EPB41L4A: variants seen among roughly 807,000 people sequenced by gnomAD.
The protein encoded by EPB41L4A is erythrocyte membrane protein band 4.1 like 4A, also known as band 4.1-like protein 4A.
EPB41L4A carries 100 observed loss-of-function variants against 108.6 expected under a neutral mutation model. The observed-to-expected ratio is 0.92, with a 90% CI of 0.78 to 1.09. EPB41L4A has a LOEUF of 1.09. EPB41L4A is among the 50% of genes least tolerant of loss of function. The probability of loss-of-function intolerance (pLI) is 0.00; values close to 1 mark genes in which losing one functional copy is unlikely to be tolerated. For missense variants in EPB41L4A, 1,030 were observed against 842.7 expected (o/e 1.22, Z -2.75); for synonymous variants, 319 against 289.0 (o/e 1.10, Z -1.05).
In EPB41L4A at chr5:112,307,472, C is replaced by T. The variant is rs765087368; in HGVS notation, c.118G>A (p.Val40Ile). The T allele has an allele frequency of 3.7e-5, 59 of 1,612,508 alleles. No individual in the cohort carries two copies. In the South Asian group the frequency reaches 5.6e-4, roughly 15 times the overall value. ...TGATGGAATACGTGGTCAAGGACAACGGAACCTTTCGTTGACTTCTGCAAA... is the reference window on the plus strand; with the variant it reads ...TGATGGAATACGTGGTCAAGGACAATGGAACCTTTCGTTGACTTCTGCAAA... ...QGIKKSTKGS[V>I]VLDHVFHHVN... Residue 40 changes from valine to isoleucine, a missense_variant, in exon 2 of 23, where the codon GTT becomes ATT. By Grantham distance (29) the Val-to-Ile change is conservative. Transcript: ENST00000261486.
intron 18 of EPB41L4A, among the ~76,000 whole-genome samples, chr5:112,179,478 A>G (rs1324900690): frequency 6.6e-6 from 1 of 152,154 alleles, no homozygotes; most frequent in Non-Finnish European, 1.5e-5. Context: ...AGGAAAATAC[A>G]TCATGACCAC....
At chr5:112,193,052 T>C (rs1032240970) in intron 17 of EPB41L4A, among the ~76,000 whole-genome samples, 1 of 152,208 alleles carries the variant, frequency 6.6e-6, no homozygotes, top group African/African-American at 2.4e-5. Context: ...AATCATTTCT[T>C]TGAGAAAGGT....
At chr5:112,341,159 G>C (rs768370113) in intron 1 of EPB41L4A, among the ~76,000 whole-genome samples, 29 of 152,278 alleles carry the variant, frequency 1.9e-4, no homozygotes, top group South Asian at 4.1e-4. Flanking sequence ...GAGAATGAAA[G>C]CTTCATGGGA....
At chr5:112,367,076 T>C (rs1032920867) in intron 1 of EPB41L4A, among the ~76,000 whole-genome samples, 1 of 152,166 alleles carries the variant, frequency 6.6e-6, no homozygotes, top group Non-Finnish European at 1.5e-5. Flanking sequence ...AACAGGCAGA[T>C]GAGGCTAGCC....
At chr5:112,300,653 G>A (rs563478584) in intron 2 of EPB41L4A, among the ~76,000 whole-genome samples, 22 of 152,174 alleles carry the variant, frequency 1.4e-4, no homozygotes, top group Non-Finnish European at 2.8e-4. Flanking sequence ...CAATTTGCCA[G>A]GTGTTCTTTG....
intron 10 of EPB41L4A, among the ~76,000 whole-genome samples, 194 bp from the exon 11 acceptor site, chr5:112,239,931 A>G (rs1373829743): frequency 2.0e-5 from 3 of 152,198 alleles, no homozygotes; most frequent in Admixed American, 2.0e-4. Flanking sequence ...AAAAAACAAA[A>G]CCAAAAAATA....
intron 18 of EPB41L4A, among the ~76,000 whole-genome samples, chr5:112,171,205 C>T (rs1219490206): frequency 6.6e-6 from 1 of 152,142 alleles, no homozygotes; most frequent in African/African-American, 2.4e-5. Context: ...TCATAAAACC[C>T]AGTCATAACC....
chr5:112,340,768 G>T (rs965619552), intron 1 of EPB41L4A, among the ~76,000 whole-genome samples: 1 of 152,126 alleles, frequency 6.6e-6, no homozygotes, highest in Non-Finnish European at 1.5e-5. Flanking sequence ...TAAAAAGGAC[G>T]TATATTGTTG....
intron 1 of EPB41L4A, among the ~76,000 whole-genome samples, chr5:112,352,260 G>A (rs1422716896): frequency 6.6e-6 from 1 of 152,106 alleles, no homozygotes; most frequent in Non-Finnish European, 1.5e-5. Flanking sequence ...GGTGTTTATT[G>A]CTATAAGCTT....
chr5:112,158,164 G>A (rs1259155733), downstream of EPB41L4A, among the ~76,000 whole-genome samples: 1 of 152,140 alleles, frequency 6.6e-6, no homozygotes, highest in East Asian at 1.9e-4. Context: ...AGAGAAAAGA[G>A]GAAAGTGGGA....
At chr5:112,266,370 A>G in intron 4 of EPB41L4A, 40 bp from the exon 5 acceptor site, 3 of 1,399,484 alleles carry the variant, frequency 2.1e-6, no homozygotes, top group Non-Finnish European at 3.0e-6. Flanking sequence ...GATCTCTTAC[A>G]CTACTCAAAC....
downstream of EPB41L4A, chr5:112,160,620 G>C (rs1224393432): frequency 6.5e-6 from 1 of 152,864 alleles, no homozygotes; most frequent in Non-Finnish European, 1.5e-5. Context: ...GTGGGGGGAT[G>C]TCTGGATACC....
chr5:112,193,103 C>A (rs1761785786), intron 17 of EPB41L4A, among the ~76,000 whole-genome samples: 1 of 152,160 alleles, frequency 6.6e-6, no homozygotes, highest in Non-Finnish European at 1.5e-5. Flanking sequence ...TAGTGTAATT[C>A]CAGCCTCAGA....
At chr5:112,242,774 G>C (rs956964573) in intron 9 of EPB41L4A, among the ~76,000 whole-genome samples, 4 of 152,230 alleles carry the variant, frequency 2.6e-5, no homozygotes, top group African/African-American at 9.6e-5. Flanking sequence ...CAGATACTGT[G>C]ATAGCAGGCT....
intron 1 of EPB41L4A, among the ~76,000 whole-genome samples, chr5:112,356,032 T>A (rs1457995898): frequency 6.6e-6 from 1 of 152,144 alleles, no homozygotes; most frequent in Non-Finnish European, 1.5e-5. Context: ...TCCACTTGGG[T>A]AGCTGGATTA....
chr5:112,250,316 T>C (rs1285135870), intron 9 of EPB41L4A, among the ~76,000 whole-genome samples: 1 of 152,196 alleles, frequency 6.6e-6, no homozygotes, highest in Non-Finnish European at 1.5e-5. Flanking sequence ...CCAGTAAACT[T>C]TGAAAACTAT....
chr5:112,374,597 C>G (rs75307047), intron 1 of EPB41L4A, among the ~76,000 whole-genome samples: 1 of 152,158 alleles, frequency 6.6e-6, no homozygotes, highest in Non-Finnish European at 1.5e-5. Context: ...TCCAAAGTTA[C>G]CCCAGCAAAA....
intron 1 of EPB41L4A, among the ~76,000 whole-genome samples, chr5:112,349,482 G>A (rs745520423): frequency 3.9e-5 from 6 of 152,176 alleles, no homozygotes; most frequent in Non-Finnish European, 8.8e-5. Context: ...ATACCAGGGA[G>A]CTTAAAAGCC....
At chr5:112,202,905 G>T (rs13165201) in intron 15 of EPB41L4A, among the ~76,000 whole-genome samples, 64,445 of 151,824 alleles carry the variant, frequency 0.42, 14,471 homozygotes, top group East Asian at 0.67. Context: ...CTTCTTGTAA[G>T]TATAAAAGTC....
Sources: gnomAD v4.1 joint callset for allele counts (sites outside exome capture counted in the v4.1 genomes callset) on GRCh38, gnomAD v4.1.1 for gene constraint, MANE v1.5 for transcripts, NCBI Gene and HGNC (gene_info 2026-07-23, HGNC 2026-07-21) for gene names.